The following STRIP2 variants were observed in gnomAD, a reference collection of about 807,000 sequenced individuals.
STRIP2 encodes the protein striatin-interacting protein 2.
STRIP2 carries 84 observed loss-of-function variants against 107.1 expected under a neutral mutation model. That is an observed-to-expected ratio of 0.78 (90% CI 0.66 to 0.94). The LOEUF is 0.94. Among genes scored for constraint, STRIP2 ranks in the 40% least tolerant of loss-of-function variants. The pLI is 0.00. For synonymous variants in STRIP2, 394 were observed against 400.4 expected (o/e 0.98, Z 0.19); for missense variants, 888 against 1,034.2 (o/e 0.86, Z 1.94).
intron 2 of STRIP2, among the ~76,000 whole-genome samples, chr7:129,443,315 C>G (rs1375203941): frequency 6.6e-6 from 1 of 152,196 alleles, no homozygotes; most frequent in Non-Finnish European, 1.5e-5. Flanking sequence ...GCTGGGATTA[C>G]AATCCTATAG....
rs959018552 is a variant in STRIP2 at position 129,486,845 on chromosome 7, A to C, written c.*1016A>C. 2.0e-5 allele frequency: 3 copies of C among 152,144 alleles called. No individual in the cohort carries two copies. Among genetic ancestry groups the C allele is most frequent in the African/African-American group, 7.2e-5 (3 of 41,432 alleles). 9.4% of individuals were successfully genotyped at this position (152,144 alleles called of 1,614,324 possible). On this transcript the variant is annotated 3_prime_UTR_variant, in exon 21 of 21. Transcript: ENST00000249344. The stretch of plus-strand genomic sequence containing the variant: ...AAGTGTCATGTGGAGATTTAGCAAT[A>C]CTGTCTCTACTTAAAAGTATTGCAC...
rs778453356 is a variant in STRIP2 at position 129,455,232 on chromosome 7, C to G, written c.707-12C>G. On this transcript the variant is annotated splice_polypyrimidine_tract_variant and intron_variant, in intron 7 of 20. Coordinates refer to ENST00000249344, the MANE Select transcript of STRIP2 (RefSeq NM_020704.3). ...TCCTCACTTTCTCACTCCCCTCTCT[C>G]CTCACCCCTAGGCTTCTCCATGCAT... 1 of 1,606,570 alleles carries G rather than the reference C, an allele frequency of 6.2e-7. No homozygotes were observed. Among genetic ancestry groups the G allele is most frequent in the Non-Finnish European group, 8.5e-7 (1 of 1,177,282 alleles).
At chr7:129,480,682 T>C (rs927121938) in intron 18 of STRIP2, 103 bp from the exon 19 acceptor site, 3 of 848,962 alleles carry the variant, frequency 3.5e-6, no homozygotes, top group East Asian at 5.2e-5. Context: ...TATTATTTCA[T>C]ACAGGAAGGC....
At chr7:129,463,747 G>C (rs771716769) in intron 14 of STRIP2, among the ~76,000 whole-genome samples, 1 of 152,102 alleles carries the variant, frequency 6.6e-6, no homozygotes, top group Non-Finnish European at 1.5e-5. Flanking sequence ...TGCCTGTCTC[G>C]GCCTCCAAAA....
At chr7:129,443,981 T>C (rs1354581687) in intron 2 of STRIP2, 43 bp from the exon 3 acceptor site, 1 of 1,518,656 alleles carries the variant, frequency 6.6e-7, no homozygotes, top group Non-Finnish European at 9.1e-7. Context: ...GCCTCTTCTT[T>C]AAGGATCTCC....
At chr7:129,447,713 G>A (rs1310887741) in intron 3 of STRIP2, among the ~76,000 whole-genome samples, 1 of 152,236 alleles carries the variant, frequency 6.6e-6, no homozygotes, top group Non-Finnish European at 1.5e-5. Flanking sequence ...TGGAGAAAAA[G>A]GCACTTGCCA....
chr7:129,485,475 A>G, intron 20 of STRIP2, 104 bp from the exon 21 acceptor site: 1 of 1,277,714 alleles, frequency 7.8e-7, no homozygotes, highest in Non-Finnish European at 1.1e-6. Flanking sequence ...AAAAAAAAGA[A>G]TTTCTGAGCA....
chr7:129,458,743 A>T lies in STRIP2; in HGVS notation c.1306A>T (p.Ser436Cys). ...GGACATTGAGCACTTCTTGGAGATG[A>T]GCAGGAACAAGTTCATCGGATTCAC... ...QKDIEHFLEM[S>C]RNKFIGFTLG... Residue 436 changes from serine (S) to cysteine (C), a missense_variant, in exon 11 of 21, where the codon AGC (serine) becomes TGC (cysteine). Transcript: ENST00000249344. The surrounding 1 kb of genome is among the most constrained non-coding windows in gnomAD (Gnocchi z 4.6). The T allele has an allele frequency of 2.5e-6, 4 of 1,614,198 alleles. No individual in the cohort carries two copies. Among genetic ancestry groups the T allele is most frequent in the Non-Finnish European group, 3.4e-6 (4 of 1,180,038 alleles).
intron 2 of STRIP2, 105 bp downstream of exon 2, chr7:129,440,196 G>T: frequency 1.1e-6 from 1 of 920,996 alleles, no homozygotes; most frequent in South Asian, 1.4e-5. Flanking sequence ...AGTGGCTGTT[G>T]AACAAAGGCT....
At position 129,485,977 on chromosome 7, in the gene STRIP2, A is replaced by G. The variant is rs1164973316; in HGVS notation, c.*148A>G. The G allele has an allele frequency of 1.8e-5, 16 of 895,668 alleles. No individual in the cohort carries two copies. The highest frequency in any genetic ancestry group is 8.0e-5 in the Admixed American group (3 of 37,366). The allele number at this position is 895,668 out of a possible 1,614,324, so 55.5% of individuals were successfully genotyped here. A position where few individuals can be genotyped will look rare whatever the true frequency, so the allele number is the denominator to read the frequency against. The stretch of plus-strand genomic sequence containing the variant: ...AGATGGTGCAAGGGTGGGATCCTGA[A>G]TCACAATAAAATGATCAACTTGCCC... On this transcript the variant is annotated 3_prime_UTR_variant, in exon 21 of 21. Transcript: ENST00000249344.
At chr7:129,454,661 G>A (rs1670036239) in intron 7 of STRIP2, 134 bp downstream of exon 7, 1 of 654,454 alleles carries the variant, frequency 1.5e-6, no homozygotes. Context: ...TTTCTTTTAG[G>A]ACACAGATAC....
rs1554383401 is a variant in STRIP2 at position 129,476,214 on chromosome 7, C to CCTCCCTCCCGGGT, written c.1945-4571_1945-4570insCTCCCTCCCGGGT. Among the ~76,000 whole-genome samples the CCTCCCTCCCGGGT allele has an allele frequency of 1.7e-3, 69 of 40,980 alleles. 11 individuals are homozygous for CCTCCCTCCCGGGT. In the East Asian group the frequency reaches 0.046, roughly 27 times the overall value. 26.9% of individuals were successfully genotyped at this position (40,980 alleles called of 152,430 possible). ...GGCTGCCCCCCACCTCCCTCCCGGA[C>CCTCCCTCCCGGGT]GGGGCGGCTGGCCGGGCGGGGGCTG... On this transcript the variant is annotated intron_variant, in intron 18 of 20. Transcript: ENST00000249344.
chr7:129,470,265 T>C (rs1310239881), intron 17 of STRIP2, among the ~76,000 whole-genome samples: 1 of 152,238 alleles, frequency 6.6e-6, no homozygotes, highest in African/African-American at 2.4e-5. Context: ...CAGATTGTTA[T>C]CCAGTGGGAT....
At chr7:129,452,541 G>T (rs1562900192) in intron 4 of STRIP2, among the ~76,000 whole-genome samples, 1 of 152,182 alleles carries the variant, frequency 6.6e-6, no homozygotes, top group African/African-American at 2.4e-5. Context: ...TCATATGTTT[G>T]CCCAAGGACT....
chr7:129,462,873 G>A (rs980098707), intron 13 of STRIP2, 93 bp from the exon 14 acceptor site: 39 of 921,660 alleles, frequency 4.2e-5, no homozygotes, highest in Non-Finnish European at 6.6e-5. Flanking sequence ...TCCCAGCTTA[G>A]TGCTCTTTTC....
In STRIP2 at chr7:129,483,915, A is replaced by T. The variant is rs892075372; in HGVS notation, c.2254+869A>T. Among the ~76,000 whole-genome samples the T allele has an allele frequency of 6.6e-6, 1 of 151,754 alleles. No individual in the cohort carries two copies. The highest frequency in any genetic ancestry group is 2.4e-5 in the African/African-American group (1 of 41,304). On this transcript the variant is annotated intron_variant, in intron 20 of 20. Coordinates refer to ENST00000249344, the MANE Select transcript of STRIP2 (RefSeq NM_020704.3). The surrounding 1 kb of genome is among the most constrained non-coding windows in gnomAD (Gnocchi z 5.1). ...CACCACTACACCCGGCTAATTTTTC[A>T]AATTTTTTTGTAGAGATGGAGTCTC...
Position 129,483,074 on chromosome 7 carries a change from C to A in STRIP2, c.2254+28C>A, listed in dbSNP as rs1453135405. The A allele has an allele frequency of 1.2e-6, 2 of 1,609,758 alleles. No homozygotes were observed. Among genetic ancestry groups the A allele is most frequent in the African/African-American group, 1.3e-5 (1 of 74,790 alleles). ...GAGTCTTCCCAAAGCTCTTGACTTC[C>A]TGGAGTTTCCTGGGGTTTAGACAAA... On this transcript the variant is annotated intron_variant, in intron 20 of 20. Transcript: ENST00000249344. This position sits in a 1 kb window ranked among gnomAD's most constrained non-coding sequence, Gnocchi z 5.1.
In STRIP2 at chr7:129,467,428, T is replaced by C; in HGVS notation, c.1855T>C (p.Ser619Pro). ...ILKFFNQNIL[S>P]YITAKNSISV... ...GAAGTTCTTCAATCAAAATATCTTG[T>C]CATACATCACTGCCAAAAACAGGTA... Residue 619 changes from serine (S) to proline (P), a missense_variant, in exon 17 of 21, where the codon TCA becomes CCA. By Grantham distance (74) the Ser-to-Pro change is moderately conservative (BLOSUM62 -1). Coordinates refer to ENST00000249344, the MANE Select transcript of STRIP2 (RefSeq NM_020704.3). The C allele has an allele frequency of 6.2e-7, 1 of 1,613,480 alleles. No individual in the cohort carries two copies. Among genetic ancestry groups the C allele is most frequent in the African/African-American group, 1.3e-5 (1 of 75,028 alleles).
At chr7:129,457,569 T>C (rs1798400544) in intron 9 of STRIP2, among the ~76,000 whole-genome samples, 1 of 152,242 alleles carries the variant, frequency 6.6e-6, no homozygotes, top group Non-Finnish European at 1.5e-5. Context: ...GGCTAGATAG[T>C]AGTGCTCAGT....
Sources: gnomAD v4.1 joint callset for allele counts (sites outside exome capture counted in the v4.1 genomes callset) on GRCh38, gnomAD v4.1.1 for gene constraint, Gnocchi (gnomAD v3.1) non-coding constraint, MANE v1.5 for transcripts, NCBI Gene and HGNC (gene_info 2026-07-23, HGNC 2026-07-21) for gene names.